Variants in FAM167A observed in about 807,000 individuals in gnomAD.
The protein encoded by FAM167A is protein FAM167A.
FAM167A carries 23 observed loss-of-function variants against 14.9 expected under a neutral mutation model. The ratio of observed to expected loss-of-function variants is 1.55; its 90% CI spans 1.11 to 2.19. The LOEUF (loss-of-function observed/expected upper bound fraction) is 2.19, where lower values mean the gene tolerates loss of function less well. Ranked by LOEUF, FAM167A falls within the 30% of genes most tolerant of loss-of-function variation. The pLI, the probability that FAM167A is intolerant of heterozygous loss-of-function variation, is 0.00. For synonymous variants in FAM167A, 174 were observed against 117.7 expected (o/e 1.48, Z -3.10); for missense variants, 401 against 281.5 (o/e 1.42, Z -3.04).
intron 1 of FAM167A, among the ~76,000 whole-genome samples, chr8:11,464,184 C>T (rs1268216316): frequency 1.3e-5 from 2 of 152,118 alleles, no homozygotes; most frequent in South Asian, 2.1e-4. Context: ...CTGCTCTGCT[C>T]ACCTTCTTTC....
Position 11,444,451 on chromosome 8 carries a change from G to T in FAM167A, c.-40C>A. 6.6e-7 allele frequency: 1 copy of T among 1,511,762 alleles called. No homozygotes were observed. Among genetic ancestry groups the T allele is most frequent in the Non-Finnish European group, 8.8e-7 (1 of 1,131,768 alleles). 93.6% of individuals were successfully genotyped at this position (1,511,762 alleles called of 1,614,324 possible). A position where few individuals can be genotyped will look rare whatever the true frequency, so the allele number is the denominator to read the frequency against. ...TGGCAGCCGGACATGCGAGGGCACG[G>T]GGGGCGCAGGGGGAGGCTTGGTGGG... On this transcript the variant is annotated 5_prime_UTR_variant, in exon 2 of 3. Transcript: ENST00000284486.
At chr8:11,425,848 T>C (rs1805103271) in intron 2 of FAM167A, among the ~76,000 whole-genome samples, 1 of 152,192 alleles carries the variant, frequency 6.6e-6, no homozygotes, top group Non-Finnish European at 1.5e-5. Context: ...CTGAAGTATA[T>C]TTCTTTGACA....
intron 2 of FAM167A, among the ~76,000 whole-genome samples, chr8:11,443,309 T>C (rs1806550878): frequency 6.6e-6 from 1 of 152,178 alleles, no homozygotes; most frequent in African/African-American, 2.4e-5. Context: ...GATGCTCCTA[T>C]TGGGAATCTG....
intron 1 of FAM167A, among the ~76,000 whole-genome samples, chr8:11,451,671 G>A (rs1320362109): frequency 6.6e-6 from 1 of 152,146 alleles, no homozygotes; most frequent in Non-Finnish European, 1.5e-5. Flanking sequence ...CCTGAGCTTG[G>A]CCAGTCAGCT....
chr8:11,441,272 T>G (rs1806418856), intron 2 of FAM167A, among the ~76,000 whole-genome samples: 3 of 152,224 alleles, frequency 2.0e-5, no homozygotes, highest in African/African-American at 7.2e-5. Context: ...GGGTCTGTCC[T>G]CTCAGGTCCC....
chr8:11,425,220 G>A (rs1354403010), intron 2 of FAM167A, among the ~76,000 whole-genome samples: 2 of 152,148 alleles, frequency 1.3e-5, no homozygotes, highest in African/African-American at 2.4e-5. Context: ...CAGTTCTAAG[G>A]CCTTTGGGTC....
chr8:11,471,317 C>G (rs535538429), upstream of FAM167A, among the ~76,000 whole-genome samples: 150 of 152,292 alleles, frequency 9.8e-4, no homozygotes, highest in Non-Finnish European at 1.4e-3. Context: ...GGCGCAACTG[C>G]AAAGGCAGAG....
At position 11,424,481 on chromosome 8, in the gene FAM167A, G is replaced by T. The variant is rs766056567; in HGVS notation, c.537C>A (p.Asp179Glu). ...AGGCAAGAGGGGAGTCACAGAAGAG[G>T]TCGGCCAGCTCATCCCGCTCCTCCA... Reference protein sequence around the residue: ...YELEERDELADLFCDSPLASS... With the variant: ...YELEERDELAELFCDSPLASS... Residue 179 changes from aspartate (D) to glutamate (E), a missense_variant, in exon 3 of 3, where the codon GAC becomes GAA. Coordinates refer to ENST00000284486, the MANE Select transcript of FAM167A (RefSeq NM_053279.3). 1 of 1,614,038 alleles carries T rather than the reference G, an allele frequency of 6.2e-7. No homozygotes were observed. Among genetic ancestry groups the T allele is most frequent in the African/African-American group, 1.3e-5 (1 of 74,922 alleles).
intron 2 of FAM167A, among the ~76,000 whole-genome samples, chr8:11,439,975 G>A (rs1563371449): frequency 6.6e-6 from 1 of 152,130 alleles, no homozygotes; most frequent in African/African-American, 2.4e-5. Flanking sequence ...AGAGAGGAGA[G>A]AATCCCACAG....
rs1247210419 is a variant in FAM167A, at chr8:11,422,803, G to A, written c.*1570C>T. Reference sequence around the variant, plus strand: ...GTCACAGTAGACAGAGCAGCCAGATGCCGTGCGTAGACCATGGGACAGTGA... The same window carrying A: ...GTCACAGTAGACAGAGCAGCCAGATACCGTGCGTAGACCATGGGACAGTGA... On this transcript the variant is annotated 3_prime_UTR_variant, in exon 3 of 3. Coordinates refer to ENST00000284486, the MANE Select transcript of FAM167A (RefSeq NM_053279.3). 6.6e-6 allele frequency: 1 copy of A among 152,470 alleles called. No individual in the cohort carries two copies. Among genetic ancestry groups the A allele is most frequent in the Non-Finnish European group, 1.5e-5 (1 of 68,054 alleles). 9.4% of individuals were successfully genotyped at this position (152,470 alleles called of 1,614,324 possible).
chr8:11,423,574 C>A lies in FAM167A; in HGVS notation c.*799G>T, dbSNP rs544250662. 5.3e-5 allele frequency: 8 copies of A among 152,378 alleles called. No homozygotes were observed. The highest frequency in any genetic ancestry group is 1.9e-4 in the African/African-American group (8 of 41,552). 9.4% of individuals were successfully genotyped at this position (152,378 alleles called of 1,614,324 possible). ...CAGTTATGGAAAATGCTTTCAGGACCTGCCTGGTTCAGTCACCAGTGGTCT... is the reference window on the plus strand; with the variant it reads ...CAGTTATGGAAAATGCTTTCAGGACATGCCTGGTTCAGTCACCAGTGGTCT... On this transcript the variant is annotated 3_prime_UTR_variant, in exon 3 of 3. Coordinates refer to ENST00000284486, the MANE Select transcript of FAM167A (RefSeq NM_053279.3).
At chr8:11,465,709 A>G (rs1049312088) in intron 1 of FAM167A, among the ~76,000 whole-genome samples, 2 of 152,214 alleles carry the variant, frequency 1.3e-5, no homozygotes, top group African/African-American at 4.8e-5. Context: ...GACTGTGTCT[A>G]CTGTGTCAGT....
At chr8:11,444,972 T>G (rs9792375) in intron 1 of FAM167A, 164 bp from the exon 2 acceptor site, 274,694 of 658,090 alleles carry the variant, frequency 0.42, 58,515 homozygotes, top group East Asian at 0.67. Context: ...ATGCCTTAAT[T>G]CAATGCAGAG....
chr8:11,441,346 G>C (rs140189877), intron 2 of FAM167A, among the ~76,000 whole-genome samples: 11 of 152,204 alleles, frequency 7.2e-5, no homozygotes, highest in African/African-American at 2.7e-4. Context: ...GTGTGGCCCA[G>C]GGACTAACAG....
chr8:11,442,540 A>C (rs1235664453), intron 2 of FAM167A, among the ~76,000 whole-genome samples: 3 of 152,232 alleles, frequency 2.0e-5, no homozygotes, highest in Non-Finnish European at 4.4e-5. Flanking sequence ...CTCGAACTCG[A>C]AACCAACAAA....
intron 2 of FAM167A, chr8:11,438,125 C>T (rs769003890): frequency 2.8e-5 from 13 of 456,566 alleles, no homozygotes; most frequent in Admixed American, 4.7e-5. Context: ...CAGTGGAGGC[C>T]GGTAGTGCTG....
At chr8:11,465,823 T>C (rs1406995311) in intron 1 of FAM167A, among the ~76,000 whole-genome samples, 1 of 152,198 alleles carries the variant, frequency 6.6e-6, no homozygotes, top group Non-Finnish European at 1.5e-5. Context: ...TTGTGGAAAC[T>C]TGACTTGGGA....
At chr8:11,448,558 C>T (rs1806884436) in intron 1 of FAM167A, among the ~76,000 whole-genome samples, 1 of 152,224 alleles carries the variant, frequency 6.6e-6, no homozygotes. Context: ...CAAGACAATC[C>T]CTGCCCCCTC....
chr8:11,438,521 T>G (rs1806205694), intron 2 of FAM167A: 1 of 457,002 alleles, frequency 2.2e-6, no homozygotes, highest in Admixed American at 2.3e-5. Flanking sequence ...CTAGCACTTT[T>G]GCTTCTTTGG....
Sources: allele counts gnomAD v4.1 joint callset (sites outside exome capture counted in the v4.1 genomes callset), GRCh38; gene constraint gnomAD v4.1.1; transcripts MANE v1.5; gene names NCBI Gene and HGNC (gene_info 2026-07-23, HGNC 2026-07-21).